The following SKIL variants were observed in gnomAD, a reference collection of about 807,000 sequenced individuals.
SKIL encodes the protein SKI like proto-oncogene.
In SKIL, 20 loss-of-function variants were observed where a neutral mutation model predicts 69.6. That is an observed-to-expected ratio of 0.29 (90% CI 0.20 to 0.42). The LOEUF (loss-of-function observed/expected upper bound fraction) is 0.42. SKIL is among the 10% of genes least tolerant of loss of function. The probability of loss-of-function intolerance (pLI) is 1.00; values close to 1 mark genes in which losing one functional copy is unlikely to be tolerated. For missense variants in SKIL, 745 were observed against 783.1 expected, an observed-to-expected ratio of 0.95 and a Z score of 0.58; for synonymous variants, 310 against 279.9, an observed-to-expected ratio of 1.11 and a Z score of -1.08.
rs1358619478 is a variant in SKIL, at chr3:170,394,564, T to G, written c.*2147T>G. ...TAAATTGCTTAATCCTTGAAATATGTTATTGGAAAATTTTAAGCAGTGCTT... is the reference window on the plus strand; with the variant it reads ...TAAATTGCTTAATCCTTGAAATATGGTATTGGAAAATTTTAAGCAGTGCTT... On this transcript the variant is annotated 3_prime_UTR_variant, in exon 7 of 7. Coordinates refer to ENST00000259119, the MANE Select transcript of SKIL (RefSeq NM_005414.5). 1 of 152,196 alleles carries G rather than the reference T, an allele frequency of 6.6e-6. No homozygotes were observed. Among genetic ancestry groups the G allele is most frequent in the Non-Finnish European group, 1.5e-5 (1 of 68,026 alleles). 9.4% of individuals were successfully genotyped at this position (152,196 alleles called of 1,614,324 possible).
chr3:170,368,866 T>C (rs910179393), intron 2 of SKIL, among the ~76,000 whole-genome samples: 1 of 152,222 alleles, frequency 6.6e-6, no homozygotes, highest in East Asian at 1.9e-4. Context: ...AAAAGATACA[T>C]TGATTGGAGA....
intron 2 of SKIL, among the ~76,000 whole-genome samples, chr3:170,376,175 G>A (rs1737023290): frequency 6.6e-6 from 1 of 150,698 alleles, no homozygotes; most frequent in Non-Finnish European, 1.5e-5. Flanking sequence ...AGCCTCCCGA[G>A]TAGCTGGGAT....
intron 4 of SKIL, among the ~76,000 whole-genome samples, chr3:170,387,912 C>T (rs1420875658): frequency 1.3e-4 from 13 of 101,436 alleles, no homozygotes; most frequent in African/African-American, 1.9e-4. Context: ...CCAGCCTGGG[C>T]GACAGAGCGA....
chr3:170,359,230 A>G (rs1002841949), intron 1 of SKIL, among the ~76,000 whole-genome samples: 3 of 152,250 alleles, frequency 2.0e-5, no homozygotes, highest in Non-Finnish European at 4.4e-5. Context: ...ATGTTCTTCT[A>G]GTAAACTGGT....
chr3:170,382,747 C>CA (rs1216827481), intron 3 of SKIL, among the ~76,000 whole-genome samples: 1 of 132,682 alleles, frequency 7.5e-6, no homozygotes, highest in Non-Finnish European at 1.5e-5. Flanking sequence ...GAGATGGAGT[C>CA]TCGCTCTGTT....
At position 170,381,484 on chromosome 3, in the gene SKIL, G is replaced by T. The variant is rs1486575102; in HGVS notation, c.1196+143G>T. 6 of 565,526 alleles carry T rather than the reference G, an allele frequency of 1.1e-5. No homozygotes were observed. The East Asian group carries it at 1.5e-4, about 14-fold the overall frequency. The allele number at this position is 565,526 out of a possible 1,614,324, so 35.0% of individuals were successfully genotyped here. ...GTCTTGCTCTGTTACCCAGGCTGGAGTGCAGTGGCGCGATCTCGTCTCATT... is the reference window on the plus strand; with the variant it reads ...GTCTTGCTCTGTTACCCAGGCTGGATTGCAGTGGCGCGATCTCGTCTCATT... On this transcript the variant is annotated intron_variant, in intron 3 of 6. Coordinates refer to ENST00000259119, the MANE Select transcript of SKIL (RefSeq NM_005414.5).
intron 3 of SKIL, among the ~76,000 whole-genome samples, chr3:170,382,647 C>G (rs188982831): frequency 1.5e-4 from 23 of 150,822 alleles, no homozygotes; most frequent in Non-Finnish European, 5.9e-5. Context: ...CTCAGGTGAT[C>G]TGCCAGCCTT....
intron 3 of SKIL, among the ~76,000 whole-genome samples, chr3:170,384,122 G>C (rs921373470): frequency 6.6e-6 from 1 of 151,632 alleles, no homozygotes; most frequent in African/African-American, 2.4e-5. Context: ...AGTTGGAGGT[G>C]GGAGGGTATC....
At chr3:170,387,694 C>T (rs1441456326) in intron 4 of SKIL, among the ~76,000 whole-genome samples, 1 of 144,800 alleles carries the variant, frequency 6.9e-6, no homozygotes, top group African/African-American at 2.5e-5. Context: ...GAGGCCGAGG[C>T]GGGCGGATCA....
At chr3:170,377,338 G>A (rs1178195724) in intron 2 of SKIL, among the ~76,000 whole-genome samples, 1 of 147,544 alleles carries the variant, frequency 6.8e-6, no homozygotes, top group Non-Finnish European at 1.5e-5. Flanking sequence ...CCCTGTTTCG[G>A]TTGATTCTCC....
intron 2 of SKIL, among the ~76,000 whole-genome samples, chr3:170,379,368 C>G: frequency 6.6e-6 from 1 of 152,126 alleles, no homozygotes; most frequent in Non-Finnish European, 1.5e-5. Flanking sequence ...CGCATTCTCC[C>G]TCAGTTTCCT....
At chr3:170,377,634 C>T (rs569718327) in intron 2 of SKIL, among the ~76,000 whole-genome samples, 20 of 148,472 alleles carry the variant, frequency 1.3e-4, no homozygotes, top group African/African-American at 4.5e-4. Context: ...CTGCAACCTC[C>T]GCCCTCTGAG....
chr3:170,361,508 A>G, intron 2 of SKIL, 79 bp downstream of exon 2: 1 of 1,093,780 alleles, frequency 9.1e-7, no homozygotes, highest in Non-Finnish European at 1.3e-6. Context: ...GTGTAACTTA[A>G]CCTGTATGTT....
chr3:170,373,899 A>G (rs1030190419), intron 2 of SKIL, among the ~76,000 whole-genome samples: 3 of 152,204 alleles, frequency 2.0e-5, no homozygotes, highest in Non-Finnish European at 2.9e-5. Context: ...AAAAATGTCT[A>G]AGAATTTTAA....
chr3:170,391,688 A>G (rs1737931652), intron 6 of SKIL, among the ~76,000 whole-genome samples: 3 of 152,166 alleles, frequency 2.0e-5, no homozygotes, highest in Admixed American at 1.3e-4. Context: ...TTCAAAATAG[A>G]TAATTCTGTT....
chr3:170,358,533 T>A (rs751374096), intron 1 of SKIL: 2 of 152,746 alleles, frequency 1.3e-5, no homozygotes, highest in Non-Finnish European at 2.9e-5. Context: ...TTCTAGGTCA[T>A]GCCTCTTGCT....
At position 170,372,988 on chromosome 3, in the gene SKIL, A is replaced by ATTTT. The variant is rs34211986; in HGVS notation, c.1099-8242_1099-8239dup. The stretch of plus-strand genomic sequence containing the variant: ...ATTCTGTTTTTAGAAATAATTTTCA[A>ATTTT]TTTTTTTTTTTTTTTTTGAGACGGA... On this transcript the variant is annotated intron_variant, in intron 2 of 6. Coordinates refer to ENST00000259119, the MANE Select transcript of SKIL (RefSeq NM_005414.5). Among the ~76,000 whole-genome samples, 46 of 134,170 alleles carry ATTTT rather than the reference A, an allele frequency of 3.4e-4. 1 individual carries two copies. Among genetic ancestry groups the ATTTT allele is most frequent in the Non-Finnish European group, 4.5e-4 (29 of 64,660 alleles). 88.0% of individuals were successfully genotyped at this position (134,170 alleles called of 152,430 possible). A position where few individuals can be genotyped will look rare whatever the true frequency, so the allele number is the denominator to read the frequency against.
chr3:170,372,301 T>G (rs1455642285), intron 2 of SKIL, among the ~76,000 whole-genome samples: 1 of 152,238 alleles, frequency 6.6e-6, no homozygotes, highest in Non-Finnish European at 1.5e-5. Context: ...TCTGTGAGCA[T>G]TTTTAAGTAT....
rs759247112 is a variant in SKIL at position 170,392,429 on chromosome 3, G to C, written c.*12G>C. 7.6e-6 allele frequency: 12 copies of C among 1,585,870 alleles called. No individual in the cohort carries two copies. The highest frequency in any genetic ancestry group is 1.0e-5 in the Non-Finnish European group (12 of 1,163,454). ...CTGCTAAAGAATAGAAACTGTTAAA[G>C]AGATTCATCTGTGTATTACTGACAA... is the stretch of plus-strand genomic sequence containing the variant. On this transcript the variant is annotated 3_prime_UTR_variant, in exon 7 of 7. Transcript: ENST00000259119.
Sources: allele counts gnomAD v4.1 joint callset (sites outside exome capture counted in the v4.1 genomes callset), GRCh38; gene constraint gnomAD v4.1.1; transcripts MANE v1.5; gene names NCBI Gene and HGNC (gene_info 2026-07-23, HGNC 2026-07-21).